The following ASTN2 variants were observed in gnomAD, a reference collection of about 807,000 sequenced individuals.
The protein encoded by ASTN2 is astrotactin-2.
Under a neutral mutation model 139.8 loss-of-function variants are expected in ASTN2, and 54 were observed. That is an observed-to-expected ratio of 0.39 (90% CI 0.31 to 0.48). The LOEUF is 0.48. Among genes scored for constraint, ASTN2 ranks in the 20% least tolerant of loss-of-function variants. The probability of loss-of-function intolerance (pLI) is 0.95; values close to 1 mark genes in which losing one functional copy is unlikely to be tolerated. For synonymous variants in ASTN2, 756 were observed against 719.5 expected, an observed-to-expected ratio of 1.05 and a Z score of -0.81; for missense variants, 1,565 against 1,725.1, an observed-to-expected ratio of 0.91 and a Z score of 1.64.
At chr9:117,193,558 A>G (rs1012892166) in intron 3 of ASTN2, among the ~76,000 whole-genome samples, 1 of 148,446 alleles carries the variant, frequency 6.7e-6, no homozygotes, top group African/African-American at 2.5e-5. Flanking sequence ...GAATCACTTG[A>G]ACTTGGGAGG....
chr9:116,835,770 T>TA (rs1436528591), intron 11 of ASTN2, among the ~76,000 whole-genome samples: 3 of 152,318 alleles, frequency 2.0e-5, no homozygotes, highest in Admixed American at 2.0e-4. Context: ...TTACAGAGTT[T>TA]GGCTCTTCTC....
chr9:117,408,915 T>C (rs1831083509), intron 1 of ASTN2, among the ~76,000 whole-genome samples: 1 of 151,952 alleles, frequency 6.6e-6, no homozygotes, highest in Non-Finnish European at 1.5e-5. Context: ...TGGGGTAGGG[T>C]ATGGAGTGAG....
chr9:116,430,884 T>C (rs1169017587), intron 22 of ASTN2, among the ~76,000 whole-genome samples: 1 of 152,196 alleles, frequency 6.6e-6, no homozygotes, highest in Non-Finnish European at 1.5e-5. Flanking sequence ...TTGTAGGCAA[T>C]GGAGATCCAT....
intron 16 of ASTN2, among the ~76,000 whole-genome samples, chr9:116,676,479 C>T (rs1407570778): frequency 6.6e-6 from 1 of 152,196 alleles, no homozygotes; most frequent in East Asian, 1.9e-4. Context: ...ACAAACTTTG[C>T]TACAGGTCCC....
At chr9:117,101,000 G>T (rs760282826) in intron 4 of ASTN2, among the ~76,000 whole-genome samples, 14 of 152,218 alleles carry the variant, frequency 9.2e-5, no homozygotes, top group South Asian at 4.1e-4. Context: ...ATCTTTAAAA[G>T]GGGTACAAGA....
chr9:116,636,031 C>A (rs958347088), intron 17 of ASTN2, among the ~76,000 whole-genome samples: 1 of 152,138 alleles, frequency 6.6e-6, no homozygotes, highest in African/African-American at 2.4e-5. Flanking sequence ...CTTGCCCATG[C>A]CAAACTGTAG....
At chr9:117,292,883 A>G (rs922849675) in intron 1 of ASTN2, among the ~76,000 whole-genome samples, 3 of 152,184 alleles carry the variant, frequency 2.0e-5, no homozygotes, top group African/African-American at 7.2e-5. Flanking sequence ...CTCATCACCC[A>G]ATTCCACTGA....
intron 10 of ASTN2, among the ~76,000 whole-genome samples, chr9:116,905,878 C>CGGG (rs1834144278): frequency 3.4e-5 from 1 of 29,186 alleles, no homozygotes; most frequent in Non-Finnish European, 6.6e-5. Flanking sequence ...GGGGGGGGTG[C>CGGG]GGGGGGTGTG....
chr9:117,370,119 G>C lies in ASTN2; in HGVS notation c.442+44378C>G, dbSNP rs1369606956. Among the ~76,000 whole-genome samples the C allele has an allele frequency of 7.9e-5, 12 of 152,102 alleles. No homozygotes were observed. The East Asian group carries it at 2.3e-3, about 29-fold the overall frequency. The stretch of plus-strand genomic sequence containing the variant: ...AATGATTATGAATATAAATGTGAAG[G>C]CTCCTCCTTTGAGGTAGATGAGGGC... On this transcript the variant is annotated intron_variant, in intron 1 of 22. Coordinates refer to ENST00000313400, the MANE Select transcript of ASTN2 (RefSeq NM_001365068.1).
intron 16 of ASTN2, among the ~76,000 whole-genome samples, chr9:116,674,814 T>C (rs776855365): frequency 3.0e-4 from 45 of 152,130 alleles, no homozygotes; most frequent in Non-Finnish European, 5.4e-4. Context: ...TATGATTTCA[T>C]CCCTGACCAA....
chr9:116,600,340 A>G lies in ASTN2; in HGVS notation c.3355+17984T>C, dbSNP rs1242953558. Among the ~76,000 whole-genome samples, 687 of 145,656 alleles carry G rather than the reference A, an allele frequency of 4.7e-3. 4 individuals are homozygous for G. Among genetic ancestry groups the G allele is most frequent in the African/African-American group, 0.018 (646 of 35,988 alleles). ...CCCTGTCTCAAAAAAAAAAAAAAAA[A>G]AAAAAAAGAAAGAAAGAAAGAAAGA... On this transcript the variant is annotated intron_variant, in intron 19 of 22. Coordinates refer to ENST00000313400, the MANE Select transcript of ASTN2 (RefSeq NM_001365068.1).
chr9:116,797,449 T>A (rs1830731854), intron 13 of ASTN2, among the ~76,000 whole-genome samples: 1 of 151,850 alleles, frequency 6.6e-6, no homozygotes, highest in South Asian at 2.1e-4. Context: ...GCCAGGAAAA[T>A]TCACCCCTTG....
At chr9:116,745,294 T>A (rs1460148936) in intron 13 of ASTN2, among the ~76,000 whole-genome samples, 1 of 152,148 alleles carries the variant, frequency 6.6e-6, no homozygotes, top group African/African-American at 2.4e-5. Context: ...TTAGGCAGAG[T>A]GACCTCTCTA....
chr9:117,155,879 T>C (rs1326650844), intron 3 of ASTN2, among the ~76,000 whole-genome samples: 1 of 152,070 alleles, frequency 6.6e-6, no homozygotes, highest in East Asian at 1.9e-4. Flanking sequence ...GAGTTAACAG[T>C]AAGGTGACCA....
At position 116,879,886 on chromosome 9, in the gene ASTN2, T is replaced by C. The variant is rs1425372873; in HGVS notation, c.1890-16153A>G. 2.6e-5 allele frequency among the ~76,000 whole-genome samples: 4 copies of C among 152,224 alleles called. No individual in the cohort carries two copies. The East Asian group carries it at 7.7e-4, about 29-fold the overall frequency. ...TTGTTTTCCAATCTGATGAAGCCTATGAAGCCTATGGACCACAACTTAGAG... is the reference window on the plus strand; with the variant it reads ...TTGTTTTCCAATCTGATGAAGCCTACGAAGCCTATGGACCACAACTTAGAG... On this transcript the variant is annotated intron_variant, in intron 10 of 22. Coordinates refer to ENST00000313400, the MANE Select transcript of ASTN2 (RefSeq NM_001365068.1).
At chr9:117,008,046 C>T (rs1588476171) in intron 7 of ASTN2, 46 bp downstream of exon 7, 1 of 1,495,926 alleles carries the variant, frequency 6.7e-7, no homozygotes, top group Non-Finnish European at 8.9e-7. Context: ...CTCTTTCAAC[C>T]CAGCCTCTCC....
intron 5 of ASTN2, among the ~76,000 whole-genome samples, chr9:117,073,431 A>C (rs1828189055): frequency 6.6e-6 from 1 of 152,112 alleles, no homozygotes; most frequent in African/African-American, 2.4e-5. Flanking sequence ...TCCACCCTCC[A>C]GTCCAGGCAG....
At position 116,729,080 on chromosome 9, in the gene ASTN2, A is replaced by C; in HGVS notation, c.2538T>G (p.Asp846Glu). 6.3e-7 allele frequency: 1 copy of C among 1,589,694 alleles called. No homozygotes were observed. Among genetic ancestry groups the C allele is most frequent in the Non-Finnish European group, 8.6e-7 (1 of 1,166,966 alleles). ...LQLLTGDIRY[D>E]EAMGYPMVQQ... ...GCACCATGGGGTAACCCATGGCCTC[A>C]TCATACCTGATATCTCCTGGGAGAG... Residue 846 changes from aspartate (D) to glutamate (E), a missense_variant, in exon 15 of 23, where the codon GAT (aspartate) becomes GAG (glutamate). Physicochemically the swap from Asp to Glu is conservative, Grantham distance 45. This residue lies in a region of ASTN2 where 503 missense variants were observed against 591.7 expected (regional missense o/e 0.85). Coordinates refer to ENST00000313400, the MANE Select transcript of ASTN2 (RefSeq NM_001365068.1).
At chr9:117,059,608 G>GT (rs1051869695) in intron 5 of ASTN2, among the ~76,000 whole-genome samples, 3 of 151,730 alleles carry the variant, frequency 2.0e-5, no homozygotes, top group East Asian at 3.9e-4. Context: ...GAGAGATTAT[G>GT]TTTTTTTATT....
Sources: gnomAD v4.1 joint callset for allele counts (sites outside exome capture counted in the v4.1 genomes callset) on GRCh38, gnomAD v4.1.1 for gene constraint, gnomAD v4.1.1 regional missense constraint, MANE v1.5 for transcripts, NCBI Gene and HGNC (gene_info 2026-07-23, HGNC 2026-07-21) for gene names.